AMPD3: variants seen among roughly 807,000 people sequenced by gnomAD.
AMPD3 encodes adenosine monophosphate deaminase 3.
Under a neutral mutation model 82.3 loss-of-function variants are expected in AMPD3, and 57 were observed. That is an observed-to-expected ratio of 0.69 (90% CI 0.56 to 0.86). The LOEUF (loss-of-function observed/expected upper bound fraction) is 0.86. Ranked by LOEUF, AMPD3 falls within the 40% of genes least tolerant of loss-of-function variation. The pLI, the probability that AMPD3 is intolerant of heterozygous loss-of-function variation, is 0.00. For missense variants in AMPD3, 870 were observed against 1,003.8 expected (o/e 0.87, Z 1.80); for synonymous variants, 381 against 394.7 (o/e 0.97, Z 0.41).
At position 10,497,772 on chromosome 11, in the gene AMPD3, G is replaced by A. The variant is rs576595825; in HGVS notation, c.1557+834G>A. On this transcript the variant is annotated intron_variant, in intron 10 of 14. Transcript: ENST00000396553. ...CAGGGGCCTGCCTGGAGACAGGAGG[G>A]GAGCTTGACCCAGCGGAAATAGCTC... is the stretch of plus-strand genomic sequence containing the variant. 3,826 of 985,362 alleles carry A rather than the reference G, an allele frequency of 3.9e-3. 21 individuals carry two copies. Among genetic ancestry groups the A allele is most frequent in the South Asian group, 0.035 (736 of 21,288 alleles). 61.0% of individuals were successfully genotyped at this position (985,362 alleles called of 1,614,324 possible). A position where few individuals can be genotyped will look rare whatever the true frequency, so the allele number is the denominator to read the frequency against.
At chr11:10,455,978 A>G in intron 1 of AMPD3, 1 of 985,388 alleles carries the variant, frequency 1.0e-6, no homozygotes. Context: ...GCTGGGCGTT[A>G]GAGGGAGGCT....
chr11:10,484,710 GCA>G (rs1849012560), intron 4 of AMPD3, 108 bp from the exon 5 acceptor site: 17 of 1,373,344 alleles, frequency 1.2e-5, no homozygotes, highest in Middle Eastern at 2.5e-4. Flanking sequence ...CGGGGCCGGC[GCA>G]GGGTTGGATT....
chr11:10,496,106 G>A (rs1471120463), intron 9 of AMPD3: 1 of 455,734 alleles, frequency 2.2e-6, no homozygotes, highest in Admixed American at 6.4e-5. Context: ...TAGTAGAGAT[G>A]GGGTTTCACC....
At chr11:10,455,196 G>T (rs2133806186), upstream of AMPD3, 1 of 985,428 alleles carries the variant, frequency 1.0e-6, no homozygotes, top group South Asian at 4.7e-5. Context: ...TTTGCTCATG[G>T]TTATTTCCCA....
At chr11:10,460,057 A>AAAATATATAAAAATT (rs1554895119) in intron 1 of AMPD3, among the ~76,000 whole-genome samples, 3 of 106,658 alleles carry the variant, frequency 2.8e-5, no homozygotes, top group Non-Finnish European at 6.0e-5. Flanking sequence ...TATTATATAT[A>AAAATATATAAAAATT]ATATATATTA....
At position 10,500,266 on chromosome 11, in the gene AMPD3, C is replaced by A. The variant is rs527306573; in HGVS notation, c.1721+17C>A. ...CCTCCGCAGGTGCGTGAGGCCTGCC[C>A]TCGCACATGCTTGGGTTCATGTGTT... On this transcript the variant is annotated intron_variant, in intron 11 of 14. Transcript: ENST00000396553. The A allele has an allele frequency of 1.2e-6, 2 of 1,614,060 alleles. No homozygotes were observed. The highest frequency in any genetic ancestry group is 3.3e-4 in the Middle Eastern group (2 of 6,060).
chr11:10,458,172 C>G (rs1339400809), intron 1 of AMPD3, among the ~76,000 whole-genome samples: 1 of 148,436 alleles, frequency 6.7e-6, no homozygotes, highest in Admixed American at 6.8e-5. Context: ...GTGGGTTAGG[C>G]TGATCTTGAA....
intron 2 of AMPD3, chr11:10,477,950 A>C: frequency 1.0e-6 from 1 of 985,446 alleles, no homozygotes; most frequent in Non-Finnish European, 1.2e-6. Flanking sequence ...GGTCCTGAGC[A>C]CTGTCTCGAC....
At chr11:10,473,592 C>T in intron 2 of AMPD3, 1 of 985,376 alleles carries the variant, frequency 1.0e-6, no homozygotes, top group Non-Finnish European at 1.2e-6. Context: ...ACCCACCTGG[C>T]CAGGATGCTG....
At chr11:10,471,196 C>G (rs1591451485) in intron 2 of AMPD3, among the ~76,000 whole-genome samples, 1 of 152,126 alleles carries the variant, frequency 6.6e-6, no homozygotes, top group Non-Finnish European at 1.5e-5. Context: ...AAACCTGGCA[C>G]AAACAAGCAA....
At chr11:10,490,653 C>G (rs569607027) in intron 6 of AMPD3, 1 of 985,314 alleles carries the variant, frequency 1.0e-6, no homozygotes, top group South Asian at 4.7e-5. Context: ...CCTGGATTGT[C>G]CAGTTGTTTT....
At chr11:10,489,655 G>T (rs144230433) in intron 6 of AMPD3, among the ~76,000 whole-genome samples, 137 of 152,016 alleles carry the variant, frequency 9.0e-4, no homozygotes, top group African/African-American at 3.1e-3. Context: ...CCGCCCCTGG[G>T]TGCTGCCTAC....
rs779401840 is a variant in AMPD3 at position 10,496,281 on chromosome 11, G to T, written c.1431-531G>T. The T allele has an allele frequency of 1.6e-4, 161 of 985,198 alleles. 1 individual carries two copies. The highest frequency in any genetic ancestry group is 5.2e-4 in the South Asian group (11 of 21,288). 61.0% of individuals were successfully genotyped at this position (985,198 alleles called of 1,614,324 possible). ...AGGCCTTGGGGGAACTACTACCCCCGCCTTCTTCTCATTGTGGGTTGAGGA... is the reference window on the plus strand; with the variant it reads ...AGGCCTTGGGGGAACTACTACCCCCTCCTTCTTCTCATTGTGGGTTGAGGA... On this transcript the variant is annotated intron_variant, in intron 9 of 14. Coordinates refer to ENST00000396553, the MANE Select transcript of AMPD3 (RefSeq NM_001025389.2).
chr11:10,487,398 C>G, intron 6 of AMPD3, 34 bp downstream of exon 6: 1 of 1,612,670 alleles, frequency 6.2e-7, no homozygotes, highest in Non-Finnish European at 8.5e-7. Context: ...AGCTGCCTCA[C>G]CCGGTCCCCC....
intron 4 of AMPD3, chr11:10,484,291 G>C: frequency 1.0e-6 from 1 of 985,346 alleles, no homozygotes; most frequent in Non-Finnish European, 1.2e-6. Context: ...TGCTCTGGGG[G>C]AGACAAGTTC....
Position 10,468,684 on chromosome 11 carries a change from T to C in AMPD3, c.221+6944T>C, listed in dbSNP as rs543291225. Among the ~76,000 whole-genome samples, 17 of 152,178 alleles carry C rather than the reference T, an allele frequency of 1.1e-4. No homozygotes were observed. In the South Asian group the frequency reaches 2.1e-3, roughly 19 times the overall value. On this transcript the variant is annotated intron_variant, in intron 2 of 14. Coordinates refer to ENST00000396553, the MANE Select transcript of AMPD3 (RefSeq NM_001025389.2). ...CAAGCTCCAACCCAAATCAACAGAA[T>C]ATACATTCTTCTCAGCACCTCATCA...
intron 6 of AMPD3, among the ~76,000 whole-genome samples, chr11:10,489,298 C>T (rs1167302006): frequency 6.6e-6 from 1 of 152,206 alleles, no homozygotes; most frequent in African/African-American, 2.4e-5. Context: ...CGATGCAGCC[C>T]TGCCCTGAGC....
chr11:10,484,523 T>C (rs1355686776), intron 4 of AMPD3: 1 of 983,410 alleles, frequency 1.0e-6, no homozygotes, highest in African/African-American at 1.7e-5. Context: ...GTGCTAGCCA[T>C]GTGCCAGGGA....
intron 1 of AMPD3, chr11:10,455,831 G>A: frequency 1.1e-6 from 1 of 896,104 alleles, no homozygotes; most frequent in Non-Finnish European, 1.3e-6. Flanking sequence ...CTTTAGGGGG[G>A]CTTTCTGAGA....
Sources: allele counts gnomAD v4.1 joint callset (sites outside exome capture counted in the v4.1 genomes callset), GRCh38; gene constraint gnomAD v4.1.1; transcripts MANE v1.5; gene names NCBI Gene and HGNC (gene_info 2026-07-23, HGNC 2026-07-21).